GRK5: variants seen among roughly 807,000 people sequenced by gnomAD.
GRK5 encodes g protein-coupled receptor kinase GRK5.
Under a neutral mutation model 78.4 loss-of-function variants are expected in GRK5, and 40 were observed. That is an observed-to-expected ratio of 0.51 (90% CI 0.40 to 0.66). GRK5 has a LOEUF of 0.66. Ranked by LOEUF, GRK5 falls within the 30% of genes least tolerant of loss-of-function variation. The pLI, the probability that GRK5 is intolerant of heterozygous loss-of-function variation, is 0.00. For synonymous variants in GRK5, 289 were observed against 296.8 expected (o/e 0.97, Z 0.27); for missense variants, 598 against 759.9 (o/e 0.79, Z 2.50).
intron 3 of GRK5, among the ~76,000 whole-genome samples, chr10:119,382,045 G>T (rs1382232495): frequency 6.7e-6 from 1 of 148,972 alleles, no homozygotes; most frequent in Non-Finnish European, 1.5e-5. Context: ...GACATTACCT[G>T]TTCCAGTGAC....
chr10:119,309,389 C>G (rs767430280), intron 1 of GRK5, among the ~76,000 whole-genome samples: 3 of 152,088 alleles, frequency 2.0e-5, no homozygotes, highest in Non-Finnish European at 4.4e-5. Context: ...CTCAGTAAGG[C>G]CTTGGTGGGA....
chr10:119,455,485 T>C lies in GRK5; in HGVS notation c.*418T>C. 1 of 350,892 alleles carries C rather than the reference T, an allele frequency of 2.8e-6. No homozygotes were observed. 21.7% of individuals were successfully genotyped at this position (350,892 alleles called of 1,614,324 possible). On this transcript the variant is annotated 3_prime_UTR_variant, in exon 16 of 16. Transcript: ENST00000392870. ...AGACTTTGAGGGTGTATATTTTCTG[T>C]GCAGCCACTGTTAAGCCATGTGTTC...
At chr10:119,381,762 G>T (rs758556596) in intron 3 of GRK5, among the ~76,000 whole-genome samples, 1 of 152,032 alleles carries the variant, frequency 6.6e-6, no homozygotes, top group East Asian at 1.9e-4. Context: ...TCCCCTCCCC[G>T]CCAGGTGCAG....
At chr10:119,439,998 T>C (rs1345255316) in intron 10 of GRK5, among the ~76,000 whole-genome samples, 7 of 152,196 alleles carry the variant, frequency 4.6e-5, no homozygotes, top group Non-Finnish European at 7.4e-5. Flanking sequence ...TGAAATTCCC[T>C]TTGACCATAA....
At chr10:119,293,742 G>A (rs1044772249) in intron 1 of GRK5, among the ~76,000 whole-genome samples, 1 of 150,642 alleles carries the variant, frequency 6.6e-6, no homozygotes, top group Admixed American at 6.6e-5. Flanking sequence ...CCTCTGCCCC[G>A]AGGCAGCAGT....
intron 1 of GRK5, among the ~76,000 whole-genome samples, chr10:119,249,261 A>G (rs1203807540): frequency 2.6e-5 from 4 of 151,380 alleles, no homozygotes; most frequent in Non-Finnish European, 4.4e-5. Context: ...ACAAGAGCGA[A>G]ACTTCGTCTC....
intron 2 of GRK5, among the ~76,000 whole-genome samples, chr10:119,370,242 G>A (rs1342212799): frequency 6.6e-6 from 1 of 151,986 alleles, no homozygotes; most frequent in African/African-American, 2.4e-5. Context: ...CACTGTCCCC[G>A]CCACACTTCC....
At position 119,389,854 on chromosome 10, in the gene GRK5, G is replaced by A. The variant is rs552947848; in HGVS notation, c.262-6841G>A. On this transcript the variant is annotated intron_variant, in intron 3 of 15. Coordinates refer to ENST00000392870, the MANE Select transcript of GRK5 (RefSeq NM_005308.3). Reference sequence around the variant, plus strand: ...CACACACACCCAACACACAGATCATGGGGGCTACAGAAGTGCTTGTGTCCC... The same window carrying A: ...CACACACACCCAACACACAGATCATAGGGGCTACAGAAGTGCTTGTGTCCC... Among the ~76,000 whole-genome samples, 10 of 151,916 alleles carry A rather than the reference G, an allele frequency of 6.6e-5. No individual in the cohort carries two copies. The South Asian group carries it at 1.0e-3, about 16-fold the overall frequency.
intron 1 of GRK5, among the ~76,000 whole-genome samples, chr10:119,222,094 T>C (rs1848664616): frequency 6.6e-6 from 1 of 152,124 alleles, no homozygotes; most frequent in South Asian, 2.1e-4. Flanking sequence ...GGGAATTGTT[T>C]TTGCTGTTGC....
At chr10:119,318,578 C>T (rs910227930) in intron 1 of GRK5, among the ~76,000 whole-genome samples, 1 of 152,096 alleles carries the variant, frequency 6.6e-6, no homozygotes, top group African/African-American at 2.4e-5. Flanking sequence ...AGTTCCACTC[C>T]ACTGTGCCAG....
At chr10:119,287,959 G>A (rs183811440) in intron 1 of GRK5, among the ~76,000 whole-genome samples, 231 of 146,056 alleles carry the variant, frequency 1.6e-3, no homozygotes, top group African/African-American at 5.0e-3. Flanking sequence ...CTCCCTGCTG[G>A]CCCTGGGTTC....
chr10:119,326,632 G>T, intron 2 of GRK5, 21 bp downstream of exon 2: 1 of 1,570,682 alleles, frequency 6.4e-7, no homozygotes, highest in Non-Finnish European at 8.8e-7. Context: ...CTGCCTGGGG[G>T]CTGTGCGGGG....
intron 2 of GRK5, among the ~76,000 whole-genome samples, chr10:119,347,597 G>A (rs1028825061): frequency 5.9e-5 from 9 of 152,258 alleles, no homozygotes. Context: ...CTGACCTGGA[G>A]ACAAGGCCGG....
intron 1 of GRK5, among the ~76,000 whole-genome samples, chr10:119,308,979 G>A (rs779804390): frequency 1.3e-5 from 2 of 152,208 alleles, no homozygotes; most frequent in Non-Finnish European, 2.9e-5. Flanking sequence ...GGCCTGTCTG[G>A]GAGCTCCCTC....
intron 2 of GRK5, among the ~76,000 whole-genome samples, chr10:119,373,774 G>A (rs574496297): frequency 6.6e-6 from 1 of 152,332 alleles, no homozygotes; most frequent in South Asian, 2.1e-4. Context: ...TGAAAATGGT[G>A]CGGATAGACT....
At chr10:119,335,754 C>T (rs1466106153) in intron 2 of GRK5, among the ~76,000 whole-genome samples, 1 of 152,254 alleles carries the variant, frequency 6.6e-6, no homozygotes, top group East Asian at 1.9e-4. Context: ...GGACTTGTGT[C>T]ACAGGCCACC....
At chr10:119,340,074 C>T (rs917000279) in intron 2 of GRK5, among the ~76,000 whole-genome samples, 7 of 152,182 alleles carry the variant, frequency 4.6e-5, no homozygotes, top group Admixed American at 1.3e-4. Flanking sequence ...TCCTGTTTGA[C>T]GATTGATGCT....
intron 4 of GRK5, among the ~76,000 whole-genome samples, chr10:119,415,650 A>G (rs1852435082): frequency 6.6e-6 from 1 of 152,162 alleles, no homozygotes; most frequent in Non-Finnish European, 1.5e-5. Flanking sequence ...CACGGCTGAG[A>G]TTGCTAGATG....
intron 1 of GRK5, among the ~76,000 whole-genome samples, chr10:119,236,421 A>C (rs192801765): frequency 1.3e-5 from 2 of 151,982 alleles, no homozygotes; most frequent in South Asian, 4.2e-4. Flanking sequence ...TCACTGTGTT[A>C]GCCAGGATGG....
Sources: allele counts gnomAD v4.1 joint callset (sites outside exome capture counted in the v4.1 genomes callset), GRCh38; gene constraint gnomAD v4.1.1; transcripts MANE v1.5; gene names NCBI Gene and HGNC (gene_info 2026-07-23, HGNC 2026-07-21).